Variants in DNAH6 observed in about 807,000 individuals in gnomAD.
The protein encoded by DNAH6 is axonemal beta dynein heavy chain 6.
DNAH6 carries 340 observed loss-of-function variants against 491.4 expected under a neutral mutation model. The ratio of observed to expected loss-of-function variants is 0.69; its 90% CI spans 0.63 to 0.76. The LOEUF (loss-of-function observed/expected upper bound fraction) is 0.76, where lower values mean the gene tolerates loss of function less well. Ranked by LOEUF, DNAH6 falls within the 30% of genes least tolerant of loss-of-function variation. The pLI, the probability that DNAH6 is intolerant of heterozygous loss-of-function variation, is 0.00. For missense variants in DNAH6, 4,443 were observed against 4,972.2 expected (o/e 0.89, Z 3.20); for synonymous variants, 1,603 against 1,686.1 (o/e 0.95, Z 1.21).
intron 46 of DNAH6, 131 bp downstream of exon 46, chr2:84,694,611 T>C (rs890547616): frequency 8.0e-6 from 5 of 628,326 alleles, no homozygotes; most frequent in Non-Finnish European, 1.4e-5. Flanking sequence ...TCCTGCAGCT[T>C]GTAAAAGACT....
At position 84,588,845 on chromosome 2, in the gene DNAH6, T is replaced by C. The variant is rs541157408; in HGVS notation, c.2501T>C (p.Ile834Thr). The C allele has an allele frequency of 3.2e-6, 5 of 1,545,060 alleles. No individual in the cohort carries two copies. In the Admixed American group the frequency reaches 6.0e-5, roughly 19 times the overall value. Reference protein sequence around the residue: ...LQAQDPQILDISADQDKIRLI... With the variant: ...LQAQDPQILDTSADQDKIRLI... ...TTATAGGATCCACAGATTTTAGATA[T>C]CTCTGCTGACCAAGACAAAATAAGG... The change falls in exon 16 of 77, where the codon ATC becomes ACC. Residue 834 changes from isoleucine to threonine, a missense_variant. Transcript: ENST00000389394.
intron 21 of DNAH6, among the ~76,000 whole-genome samples, chr2:84,609,549 G>C (rs1421749246): frequency 1.3e-5 from 2 of 151,992 alleles, no homozygotes; most frequent in African/African-American, 4.8e-5. Flanking sequence ...GGAGCAGAAA[G>C]AACGAATAGA....
intron 10 of DNAH6, 66 bp downstream of exon 10, chr2:84,553,100 T>A (rs1373431342): frequency 1.1e-6 from 1 of 909,846 alleles, no homozygotes; most frequent in Non-Finnish European, 1.7e-6. Context: ...GCTGTTTTGC[T>A]GTCAATTGGT....
intron 10 of DNAH6, among the ~76,000 whole-genome samples, chr2:84,554,532 C>T (rs911163861): frequency 1.3e-5 from 2 of 152,180 alleles, no homozygotes; most frequent in African/African-American, 4.8e-5. Flanking sequence ...GATTTTAGTC[C>T]TGCCTTTACA....
chr2:84,512,177 A>G (rs534990974), upstream of DNAH6, among the ~76,000 whole-genome samples: 66 of 152,204 alleles, frequency 4.3e-4, no homozygotes, highest in African/African-American at 1.5e-3. Context: ...TCCCTTAGTC[A>G]ATTTGGTGTG....
At position 84,703,446 on chromosome 2, in the gene DNAH6, C is replaced by T; in HGVS notation, c.8113C>T (p.Leu2705=). ...CACCAAGCTACTAGAAACAAACATA[C>T]TAGTAGATAAAATGAAACTAGATCT... is the stretch of plus-strand genomic sequence containing the variant. ...GLTKLLETNI[L]VDKMKLDLSA... is the part of the protein sequence containing the mutation. The change falls in exon 50 of 77, where the codon CTA becomes TTA. Residue 2705 remains leucine (L), a synonymous_variant. Coordinates refer to ENST00000389394, the MANE Select transcript of DNAH6 (RefSeq NM_001370.2). 1.9e-6 allele frequency: 3 copies of T among 1,549,124 alleles called. No individual in the cohort carries two copies. Among genetic ancestry groups the T allele is most frequent in the Non-Finnish European group, 2.6e-6 (3 of 1,145,552 alleles).
Position 84,553,016 on chromosome 2 carries a change from T to G in DNAH6, c.1584T>G (p.Pro528=). ...CAGTCCAGTCACTGCTCTTTGAGCC[T>G]TCTCTGGAAGACTTTCTGGTGTGTG... The part of the protein sequence containing the change: ...MLTVQSLLFE[P]SLEDFLDGIL... Residue 528 remains proline (P), a synonymous_variant, in exon 10 of 77, where the codon CCT becomes CCG. Transcript: ENST00000389394. 5 of 1,601,040 alleles carry G rather than the reference T, an allele frequency of 3.1e-6. No homozygotes were observed. The highest frequency in any genetic ancestry group is 4.3e-6 in the Non-Finnish European group (5 of 1,171,850).
chr2:84,479,892 C>G, the DNAH6 span, among the ~76,000 whole-genome samples: 1 of 152,262 alleles, frequency 6.6e-6, no homozygotes, highest in African/African-American at 2.4e-5. Context: ...CATTCATCTT[C>G]TTCAGCATTT....
At chr2:84,624,785 A>G in intron 28 of DNAH6, 117 bp from the exon 29 acceptor site, 1 of 1,259,754 alleles carries the variant, frequency 7.9e-7, no homozygotes, top group Non-Finnish European at 1.1e-6. Context: ...CTTTTGGTGT[A>G]TTTCAATTGC....
intron 17 of DNAH6, among the ~76,000 whole-genome samples, chr2:84,594,735 C>T (rs947411013): frequency 6.6e-6 from 1 of 152,138 alleles, no homozygotes; most frequent in Admixed American, 6.5e-5. Context: ...ATTCATCCTT[C>T]CTGTGCTGAT....
intron 33 of DNAH6, among the ~76,000 whole-genome samples, chr2:84,650,582 G>A (rs1195737958): frequency 6.6e-6 from 1 of 150,380 alleles, no homozygotes; most frequent in African/African-American, 2.5e-5. Flanking sequence ...TTTTTATGAT[G>A]ACTGTTTTAA....
At chr2:84,710,887 G>A (rs1259521190) in intron 56 of DNAH6, among the ~76,000 whole-genome samples, 2 of 151,948 alleles carry the variant, frequency 1.3e-5, no homozygotes, top group East Asian at 1.9e-4. Flanking sequence ...GAAGAAGGGA[G>A]GGCAGTGTTG....
chr2:84,781,377 G>T lies in DNAH6; in HGVS notation c.10704-116G>T, dbSNP rs1676681121. 3 of 857,480 alleles carry T rather than the reference G, an allele frequency of 3.5e-6. No individual in the cohort carries two copies. The Admixed American group carries it at 9.2e-5, about 26-fold the overall frequency. The allele number at this position is 857,480 out of a possible 1,614,324, so 53.1% of individuals were successfully genotyped here. On this transcript the variant is annotated intron_variant, in intron 64 of 76. Coordinates refer to ENST00000389394, the MANE Select transcript of DNAH6 (RefSeq NM_001370.2). ...AACATACTTGTACTCCTATTGGAATGAGGATTCAAAATGTTTATATATCCT... is the reference window on the plus strand; with the variant it reads ...AACATACTTGTACTCCTATTGGAATTAGGATTCAAAATGTTTATATATCCT...
chr2:84,709,563 T>TA lies in DNAH6; in HGVS notation c.9252+19dup. On this transcript the variant is annotated intron_variant, in intron 55 of 76. Coordinates refer to ENST00000389394, the MANE Select transcript of DNAH6 (RefSeq NM_001370.2). ...CAAGATCAGGTGTGTAGCAAATGCT[T>TA]AAGAGAGTGGCTTTTGGTTCTGCTT... 2 of 1,550,762 alleles carry TA rather than the reference T, an allele frequency of 1.3e-6. No homozygotes were observed. Among genetic ancestry groups the TA allele is most frequent in the Non-Finnish European group, 1.7e-6 (2 of 1,146,552 alleles).
chr2:84,763,655 T>A (rs1274099113), intron 64 of DNAH6, among the ~76,000 whole-genome samples: 1 of 151,870 alleles, frequency 6.6e-6, no homozygotes, highest in African/African-American at 2.4e-5. Flanking sequence ...TTCCATTTCT[T>A]CATTTGGAGT....
At chr2:84,781,791 C>G in intron 65 of DNAH6, 138 bp downstream of exon 65, 11 of 1,082,708 alleles carry the variant, frequency 1.0e-5, no homozygotes, top group Non-Finnish European at 1.3e-5. Flanking sequence ...GAGGCCTAGA[C>G]AGATTTAGCT....
chr2:84,626,076 T>A (rs1008784274), intron 29 of DNAH6, among the ~76,000 whole-genome samples: 4 of 152,150 alleles, frequency 2.6e-5, no homozygotes, highest in African/African-American at 7.2e-5. Context: ...AACACCTTAG[T>A]ATTATTATGA....
chr2:84,647,136 C>T lies in DNAH6; in HGVS notation c.5078+5082C>T, dbSNP rs530840230. Among the ~76,000 whole-genome samples the T allele has an allele frequency of 5.5e-4, 84 of 152,246 alleles. 2 individuals carry two copies. The highest frequency in any genetic ancestry group is 1.1e-3 in the Non-Finnish European group (74 of 68,004). On this transcript the variant is annotated intron_variant, in intron 33 of 76. Transcript: ENST00000389394. ...TGCTGGCATTACAGGTGTGAGCCAC[C>T]GTACCCGGCCAAAAGTAGTTTCTTG...
chr2:84,714,903 C>T (rs1192346), intron 57 of DNAH6, among the ~76,000 whole-genome samples: 5,418 of 150,826 alleles, frequency 0.036, 148 homozygotes, highest in South Asian at 0.061. Flanking sequence ...ATTACAAAAT[C>T]CTTGAAGTAC....
Sources: allele counts gnomAD v4.1 joint callset (sites outside exome capture counted in the v4.1 genomes callset), GRCh38; gene constraint gnomAD v4.1.1; transcripts MANE v1.5; gene names NCBI Gene and HGNC (gene_info 2026-07-23, HGNC 2026-07-21).